The following PGM3 variants were observed in gnomAD, a reference collection of about 807,000 sequenced individuals.
PGM3 encodes phosphoglucomutase 3, also known as phosphoacetylglucosamine mutase.
A neutral mutation model predicts 66.2 loss-of-function variants in PGM3; 40 were observed. That is an observed-to-expected ratio of 0.60 (90% CI 0.47 to 0.79). PGM3 has a LOEUF of 0.79. Ranked by LOEUF, PGM3 falls within the 30% of genes least tolerant of loss-of-function variation. The pLI, the probability that PGM3 is intolerant of heterozygous loss-of-function variation, is 0.00. For missense variants in PGM3, 537 were observed against 643.4 expected (o/e 0.83, Z 1.79); for synonymous variants, 191 against 224.2 (o/e 0.85, Z 1.32).
chr6:83,159,947 C>T, downstream of PGM3: 2 of 1,614,028 alleles, frequency 1.2e-6, no homozygotes, highest in Non-Finnish European at 1.7e-6. Flanking sequence ...TGAAAACCTT[C>T]CTCAGTTTCA....
the PGM3 span, chr6:83,152,428 C>A: frequency 1.3e-6 from 1 of 756,582 alleles, no homozygotes; most frequent in Non-Finnish European, 2.0e-6. Context: ...TAAAAATTAG[C>A]AAGTAATTTT....
chr6:83,152,109 T>C, the PGM3 span: 2 of 1,501,134 alleles, frequency 1.3e-6, no homozygotes, highest in Non-Finnish European at 1.8e-6. Flanking sequence ...GCACTATAAG[T>C]ACCACAAATT....
the PGM3 span, chr6:83,155,814 C>G: frequency 1.0e-6 from 1 of 992,314 alleles, no homozygotes; most frequent in Non-Finnish European, 1.4e-6. Flanking sequence ...CTGTCTGCCC[C>G]AGAGAGGGGC....
chr6:83,162,527 G>A (rs867784393), downstream of PGM3, among the ~76,000 whole-genome samples: 1 of 152,150 alleles, frequency 6.6e-6, no homozygotes, highest in Non-Finnish European at 1.5e-5. Context: ...TTGGACTCAT[G>A]AAAAAAGTAA....
At chr6:83,178,531 T>A (rs1031680261) in intron 8 of PGM3, 142 bp downstream of exon 8, 1 of 604,728 alleles carries the variant, frequency 1.7e-6, no homozygotes, top group African/African-American at 1.9e-5. Context: ...AAATTTTTTC[T>A]TATTTATTTC....
intron 10 of PGM3, among the ~76,000 whole-genome samples, chr6:83,173,978 C>T (rs1192809183): frequency 2.6e-5 from 4 of 151,908 alleles, no homozygotes; most frequent in Non-Finnish European, 2.9e-5. Context: ...CCTCGTGATC[C>T]GCCCTCCTTG....
At chr6:83,187,206 C>T in intron 3 of PGM3, 131 bp from the exon 4 acceptor site, 1 of 550,190 alleles carries the variant, frequency 1.8e-6, no homozygotes, top group East Asian at 3.1e-5. Context: ...GAACTGAAAG[C>T]TATGAACTCT....
chr6:83,155,294 T>C, the PGM3 span, among the ~76,000 whole-genome samples: 2 of 143,060 alleles, frequency 1.4e-5, no homozygotes, highest in Admixed American at 7.1e-5. Context: ...AGACCCCAGC[T>C]CTACAAAAAA....
chr6:83,158,584 G>A (rs532122084), downstream of PGM3: 22 of 1,606,548 alleles, frequency 1.4e-5, no homozygotes, highest in Non-Finnish European at 1.8e-5. Flanking sequence ...TATTTTTACT[G>A]ATGGAGCAGG....
At chr6:83,179,784 G>A (rs1440769759) in intron 7 of PGM3, 26 bp downstream of exon 7, 3 of 1,574,354 alleles carry the variant, frequency 1.9e-6, no homozygotes, top group South Asian at 1.2e-5. Context: ...TCTTGTTTTA[G>A]AGGGTAGCCA....
chr6:83,160,275 T>C (rs1267892257), downstream of PGM3, among the ~76,000 whole-genome samples: 1 of 152,190 alleles, frequency 6.6e-6, no homozygotes, highest in Non-Finnish European at 1.5e-5. Flanking sequence ...TGAGGCCACA[T>C]AGCAGAGATC....
At chr6:83,155,878 G>C in the PGM3 span, 15 of 1,527,646 alleles carry the variant, frequency 9.8e-6, no homozygotes, top group Admixed American at 2.0e-5. Flanking sequence ...AGAGCATCTA[G>C]CTATTTTAAA....
At chr6:83,188,283 C>T (rs1788744739) in intron 3 of PGM3, among the ~76,000 whole-genome samples, 1 of 151,960 alleles carries the variant, frequency 6.6e-6, no homozygotes, top group Admixed American at 6.6e-5. Context: ...GAGTTCAAAT[C>T]ATGTGTTGAC....
At chr6:83,171,618 G>C (rs968270314) in intron 11 of PGM3, among the ~76,000 whole-genome samples, 1 of 152,158 alleles carries the variant, frequency 6.6e-6, no homozygotes, top group Non-Finnish European at 1.5e-5. Context: ...AGCCTCCCAA[G>C]TAGCTGGGAC....
intron 6 of PGM3, 127 bp from the exon 7 acceptor site, chr6:83,180,094 A>C (rs1788065107): frequency 3.1e-6 from 2 of 642,460 alleles, no homozygotes; most frequent in Middle Eastern, 4.3e-4. Flanking sequence ...ATAATCTTTA[A>C]ATAGTACATA....
chr6:83,190,946 A>C lies in PGM3; in HGVS notation c.67T>G (p.Tyr23Asp). 1 of 1,614,194 alleles carries C rather than the reference A, an allele frequency of 6.2e-7. No homozygotes were observed. The highest frequency in any genetic ancestry group is 8.5e-7 in the Non-Finnish European group (1 of 1,180,000). Residue 23 changes from tyrosine (Y) to aspartate (D), a missense_variant, in exon 2 of 13, where the codon TAC (tyrosine) becomes GAC (aspartate). Coordinates refer to ENST00000513973, the MANE Select transcript of PGM3 (RefSeq NM_015599.3). ...TTCGTTCGAAATCCAGCAGTCCCGT[A>C]TTGAAGGATCAGTCCATTGGGCTTG... ...HAKPNGLILQ[Y>D]GTAGFRTKAE...
rs368294786 is a variant in PGM3, at chr6:83,176,070, A to T, written c.1030-10T>A. ...TGCAATAGACAGGTACCTATAACAC[A>T]TGCATTTAAAGAAATACAGCAATTA... On this transcript the variant is annotated splice_polypyrimidine_tract_variant and intron_variant, in intron 8 of 12. Transcript: ENST00000513973. The T allele has an allele frequency of 7.0e-6, 10 of 1,430,178 alleles. No individual in the cohort carries two copies. Among genetic ancestry groups the T allele is most frequent in the Non-Finnish European group, 9.9e-6 (10 of 1,012,848 alleles). 88.6% of individuals were successfully genotyped at this position (1,430,178 alleles called of 1,614,324 possible).
At chr6:83,148,775 T>A in the PGM3 span, 2 of 1,554,596 alleles carry the variant, frequency 1.3e-6, no homozygotes, top group Non-Finnish European at 1.7e-6. Context: ...AGTGCCCAAT[T>A]TAGTGGATAG....
At chr6:83,154,608 ATGG>A in the PGM3 span, among the ~76,000 whole-genome samples, 10 of 152,310 alleles carry the variant, frequency 6.6e-5, no homozygotes, top group African/African-American at 2.2e-4. Flanking sequence ...AGACTGACAG[ATGG>A]TGAAGTGCAA....
Sources: allele counts gnomAD v4.1 joint callset (sites outside exome capture counted in the v4.1 genomes callset), GRCh38; gene constraint gnomAD v4.1.1; transcripts MANE v1.5; gene names NCBI Gene and HGNC (gene_info 2026-07-23, HGNC 2026-07-21).